NAV2: variants seen among roughly 807,000 people sequenced by gnomAD.
The protein encoded by NAV2 is helicase, APC down-regulated 1.
NAV2 carries 54 observed loss-of-function variants against 223.2 expected under a neutral mutation model. The ratio of observed to expected loss-of-function variants is 0.24; its 90% CI spans 0.19 to 0.30. NAV2 has a LOEUF of 0.30. NAV2 is among the 10% of genes least tolerant of loss of function. The probability of loss-of-function intolerance (pLI) is 1.00; values close to 1 mark genes in which losing one functional copy is unlikely to be tolerated. For missense variants in NAV2, 2,806 were observed against 3,147.5 expected, an observed-to-expected ratio of 0.89 and a Z score of 2.60; for synonymous variants, 1,279 against 1,239.3, an observed-to-expected ratio of 1.03 and a Z score of -0.67.
At chr11:20,071,866 T>C (rs898636676) in intron 22 of NAV2, among the ~76,000 whole-genome samples, 1 of 152,222 alleles carries the variant, frequency 6.6e-6, no homozygotes, top group Non-Finnish European at 1.5e-5. Context: ...ATGGATAGAT[T>C]GCAAAAATTT....
At chr11:19,436,874 T>C (rs191533244) in intron 1 of NAV2, among the ~76,000 whole-genome samples, 1 of 152,306 alleles carries the variant, frequency 6.6e-6, no homozygotes, top group East Asian at 1.9e-4. Context: ...ATTTCTTTTT[T>C]CAAATAGTTC....
chr11:20,103,789 C>T (rs552983241), intron 34 of NAV2, 65 bp downstream of exon 34: 75 of 1,430,740 alleles, frequency 5.2e-5, no homozygotes, highest in African/African-American at 2.0e-4. Context: ...CAAGAAGGGG[C>T]GGGTAGAGAT....
chr11:20,043,200 G>C (rs1191341057), intron 12 of NAV2, among the ~76,000 whole-genome samples: 1 of 152,158 alleles, frequency 6.6e-6, no homozygotes, highest in African/African-American at 2.4e-5. Flanking sequence ...TGGTGTGTTA[G>C]ATCCAAAGAT....
intron 1 of NAV2, among the ~76,000 whole-genome samples, chr11:19,800,815 T>C (rs543919735): frequency 4.6e-5 from 7 of 152,204 alleles, no homozygotes; most frequent in South Asian, 2.1e-4. Context: ...GGAAGCAACA[T>C]TGGGTTCTCC....
intron 1 of NAV2, among the ~76,000 whole-genome samples, chr11:19,581,609 T>C (rs2045719909): frequency 6.6e-6 from 1 of 151,988 alleles, no homozygotes; most frequent in Non-Finnish European, 1.5e-5. Context: ...AGTGAGAACA[T>C]GCGGTATTTG....
At chr11:19,523,323 A>G (rs1418223463) in intron 1 of NAV2, among the ~76,000 whole-genome samples, 4 of 152,158 alleles carry the variant, frequency 2.6e-5, no homozygotes, top group East Asian at 3.9e-4. Flanking sequence ...GGGAGCAGCA[A>G]GGTGAAATGG....
chr11:19,752,349 C>T (rs936183055), intron 1 of NAV2, among the ~76,000 whole-genome samples: 3 of 152,192 alleles, frequency 2.0e-5, no homozygotes, highest in African/African-American at 7.2e-5. Flanking sequence ...TTTCTTGGGT[C>T]ATGTCCAGCA....
chr11:19,463,790 T>C (rs1852248190), intron 1 of NAV2, among the ~76,000 whole-genome samples: 1 of 151,982 alleles, frequency 6.6e-6, no homozygotes, highest in Admixed American at 6.6e-5. Context: ...CAGGGAGCAC[T>C]TGGGGGAACT....
chr11:19,365,643 A>G (rs1026153443), intron 1 of NAV2, among the ~76,000 whole-genome samples: 1 of 152,234 alleles, frequency 6.6e-6, no homozygotes, highest in Non-Finnish European at 1.5e-5. Flanking sequence ...AGACTCTAAG[A>G]TGCTAGAGGG....
Position 19,916,562 on chromosome 11 carries a change from A to T in NAV2, c.932-16614A>T, listed in dbSNP as rs190314543. 2.6e-4 allele frequency among the ~76,000 whole-genome samples: 40 copies of T among 152,350 alleles called. 1 individual carries two copies. In the East Asian group the frequency reaches 7.7e-3, roughly 29 times the overall value. On this transcript the variant is annotated intron_variant, in intron 6 of 37. Transcript: ENST00000349880. ...ATCTAATCGTGTCTGTCTAACCCTT[A>T]TGCATGCATTCACTCACTTTATCAA...
At chr11:19,464,930 A>C (rs1310673247) in intron 1 of NAV2, among the ~76,000 whole-genome samples, 1 of 152,218 alleles carries the variant, frequency 6.6e-6, no homozygotes, top group East Asian at 1.9e-4. Context: ...TCTTTAATGG[A>C]ATTAAAATAA....
At chr11:19,472,233 G>A (rs984045063) in intron 1 of NAV2, among the ~76,000 whole-genome samples, 10 of 152,194 alleles carry the variant, frequency 6.6e-5, no homozygotes, top group Middle Eastern at 3.4e-3. Flanking sequence ...GAGGTCCTAC[G>A]GTATAGAGGA....
intron 10 of NAV2, among the ~76,000 whole-genome samples, chr11:19,967,155 A>C (rs970521460): frequency 2.6e-5 from 4 of 152,064 alleles, no homozygotes; most frequent in Admixed American, 6.6e-5. Context: ...CTGCTACTAA[A>C]GGGTGCGGCC....
At chr11:19,695,188 C>T (rs555647321) in intron 1 of NAV2, among the ~76,000 whole-genome samples, 79 of 152,310 alleles carry the variant, frequency 5.2e-4, no homozygotes, top group African/African-American at 1.9e-3. Context: ...TCTGGCAACC[C>T]AAGGTGGCCT....
chr11:20,098,218 C>G (rs78036202), intron 31 of NAV2, among the ~76,000 whole-genome samples: 93 of 152,210 alleles, frequency 6.1e-4, no homozygotes, highest in East Asian at 5.2e-3. Context: ...TGATATTAAG[C>G]CCCAGGCCAG....
chr11:20,056,183 T>TA (rs1476082225), intron 19 of NAV2, among the ~76,000 whole-genome samples: 1 of 152,198 alleles, frequency 6.6e-6, no homozygotes, highest in Non-Finnish European at 1.5e-5. Context: ...AGAGGCTGCT[T>TA]AAAAATCACT....
chr11:19,534,538 A>T (rs1441176266), intron 1 of NAV2, among the ~76,000 whole-genome samples: 1 of 152,224 alleles, frequency 6.6e-6, no homozygotes, highest in African/African-American at 2.4e-5. Flanking sequence ...AGAAAGGAAC[A>T]AGTGAACCTG....
chr11:19,796,055 T>C (rs1468005964), intron 1 of NAV2, among the ~76,000 whole-genome samples: 1 of 152,172 alleles, frequency 6.6e-6, no homozygotes, highest in Non-Finnish European at 1.5e-5. Context: ...TATAATGTGT[T>C]ATATAGTTAC....
At chr11:20,004,770 T>C (rs2153493622) in intron 11 of NAV2, among the ~76,000 whole-genome samples, 1 of 152,310 alleles carries the variant, frequency 6.6e-6, no homozygotes, top group South Asian at 2.1e-4. Context: ...CACCACCAGA[T>C]GTGTTTTAGG....
Sources: gnomAD v4.1 joint callset for allele counts (sites outside exome capture counted in the v4.1 genomes callset) on GRCh38, gnomAD v4.1.1 for gene constraint, MANE v1.5 for transcripts, NCBI Gene and HGNC (gene_info 2026-07-23, HGNC 2026-07-21) for gene names.